C1QTNF5: variants seen among roughly 807,000 people sequenced by gnomAD.
C1QTNF5 encodes the protein C1q and TNF related 5, also known as complement C1q tumor necrosis factor-related protein 5.
Under a neutral mutation model 10.9 loss-of-function variants are expected in C1QTNF5, and 5 were observed. That is an observed-to-expected ratio of 0.46 (90% CI 0.24 to 0.97). C1QTNF5 has a LOEUF of 0.97. Among genes scored for constraint, C1QTNF5 ranks in the 50% least tolerant of loss-of-function variants. C1QTNF5 has a pLI of 0.19. For missense variants in C1QTNF5, 281 were observed against 339.4 expected, an observed-to-expected ratio of 0.83 and a Z score of 1.35; for synonymous variants, 161 against 156.5, an observed-to-expected ratio of 1.03 and a Z score of -0.22.
chr11:119,344,028 A>G (rs1422325722), upstream of C1QTNF5: 19 of 1,600,988 alleles, frequency 1.2e-5, no homozygotes, highest in East Asian at 4.0e-4. Flanking sequence ...GGGCACCCAG[A>G]AGGGTCTTCT....
At position 119,340,322 on chromosome 11, in the gene C1QTNF5, T is replaced by C. The variant is rs763994719; in HGVS notation, c.76A>G (p.Ser26Gly). ...SPPLDDNKIP[S>G]LCPGHPGLPG... ...AGGCCGGGGTGCCCCGGGCAGAGGC[T>C]GGGGATCTTGTTGTCGTCCAGTGGG... The change falls in exon 2 of 3, where the codon AGC (serine) becomes GGC (glycine). Residue 26 changes from serine (S) to glycine (G), a missense_variant. Physicochemically the swap from Ser to Gly is moderately conservative, Grantham distance 56 (BLOSUM62 0). Transcript: ENST00000528368. The C allele has an allele frequency of 1.2e-5, 18 of 1,542,546 alleles. No individual in the cohort carries two copies. The South Asian group carries it at 1.9e-4, about 16-fold the overall frequency.
At chr11:119,342,686 AC>A (rs1565293174), upstream of C1QTNF5, 3 of 1,613,020 alleles carry the variant, frequency 1.9e-6, no homozygotes, top group Non-Finnish European at 2.5e-6. Flanking sequence ...ACACCCTTAC[AC>A]CCTCCTGCCT....
At chr11:119,346,166 G>T in the C1QTNF5 span, 1 of 1,582,890 alleles carries the variant, frequency 6.3e-7, no homozygotes, top group Non-Finnish European at 8.6e-7. Context: ...CGACCTGCGG[G>T]TTGGCAGGTG....
chr11:119,344,094 A>AG, upstream of C1QTNF5: 1 of 1,237,092 alleles, frequency 8.1e-7, no homozygotes, highest in Non-Finnish European at 1.2e-6. Flanking sequence ...GTGGTTCTTA[A>AG]GGACCTTTAA....
upstream of C1QTNF5, among the ~76,000 whole-genome samples, chr11:119,343,376 G>T (rs1950522894): frequency 6.6e-6 from 1 of 152,216 alleles, no homozygotes; most frequent in African/African-American, 2.4e-5. Context: ...AATTATCTGG[G>T]CGTGGTGGCA....
At chr11:119,343,986 G>C, upstream of C1QTNF5, 1 of 1,610,202 alleles carries the variant, frequency 6.2e-7, no homozygotes, top group East Asian at 2.2e-5. Flanking sequence ...CATAGGTGGA[G>C]CAATTCATGG....
upstream of C1QTNF5, chr11:119,345,701 TCCTCAC>T: frequency 1.2e-6 from 2 of 1,612,300 alleles, no homozygotes; most frequent in Non-Finnish European, 1.7e-6. Context: ...AGGTGCCTCT[TCCTCAC>T]CCTCCCCTCA....
chr11:119,343,127 G>A, upstream of C1QTNF5: 1 of 1,236,388 alleles, frequency 8.1e-7, no homozygotes, highest in South Asian at 1.3e-5. Flanking sequence ...GGAAGACACA[G>A]GGTTAGGGTC....
chr11:119,342,476 T>C, upstream of C1QTNF5: 2 of 1,338,784 alleles, frequency 1.5e-6, no homozygotes, highest in Non-Finnish European at 2.0e-6. Context: ...GTCAGGATGG[T>C]GAGGCCAGCT....
chr11:119,340,053 C>A, intron 2 of C1QTNF5, 131 bp downstream of exon 2: 2 of 1,290,294 alleles, frequency 1.6e-6, no homozygotes, highest in Non-Finnish European at 2.0e-6. Context: ...GGCCCCTCCC[C>A]CGCTCAGGGC....
upstream of C1QTNF5, chr11:119,342,864 G>A: frequency 6.2e-7 from 1 of 1,613,118 alleles, no homozygotes; most frequent in Non-Finnish European, 8.5e-7. Flanking sequence ...CTTGCCCAGG[G>A]GCACCTACTC....
Position 119,339,510 on chromosome 11 carries a change from AC to A in C1QTNF5, c.552del (p.Trp185GlyfsTer13), listed in dbSNP as rs776247392. ...SIASFFQFFG[G>X]WPKPASLSGG... is the part of the protein sequence containing the mutation. ...CCCGAGAGCGAGGCTGGCTTGGGCC[AC>A]CCCCCGAAAAACTGGAAGAAAGAGG... On this transcript the variant is annotated frameshift_variant, in exon 3 of 3. Transcript: ENST00000528368. LOFTEE classifies it high-confidence loss of function. This position sits in a 1 kb window ranked among gnomAD's most constrained non-coding sequence, Gnocchi z 5.4. 1 of 1,612,834 alleles carries A rather than the reference AC, an allele frequency of 6.2e-7. No individual in the cohort carries two copies.
At chr11:119,346,367 A>G in the C1QTNF5 span, 1 of 1,614,014 alleles carries the variant, frequency 6.2e-7, no homozygotes, top group Non-Finnish European at 8.5e-7. Context: ...AGGATTGCAG[A>G]ACTCGGTCTG....
At chr11:119,344,741 A>T (rs1470650785), upstream of C1QTNF5, 1 of 1,614,052 alleles carries the variant, frequency 6.2e-7, no homozygotes, top group Non-Finnish European at 8.5e-7. Flanking sequence ...AGCGGAACTC[A>T]TCATGGGCAC....
upstream of C1QTNF5, chr11:119,345,352 T>C (rs1950551254): frequency 6.6e-7 from 1 of 1,512,784 alleles, no homozygotes; most frequent in Non-Finnish European, 9.2e-7. Flanking sequence ...TCCCTGCCAC[T>C]CCCTGATTCT....
At chr11:119,343,791 C>T (rs1342848384), upstream of C1QTNF5, 1 of 1,613,658 alleles carries the variant, frequency 6.2e-7, no homozygotes, top group Non-Finnish European at 8.5e-7. Flanking sequence ...TGGAGTTATC[C>T]ATGGCTCTTC....
In C1QTNF5 at chr11:119,339,206, T is replaced by A. The variant is rs11217240; in HGVS notation, c.*125A>T. The A allele has an allele frequency of 9.3e-7, 1 of 1,072,852 alleles. No homozygotes were observed. The highest frequency in any genetic ancestry group is 2.6e-5 in the East Asian group (1 of 38,852). 66.5% of individuals were successfully genotyped at this position (1,072,852 alleles called of 1,614,324 possible). A position where few individuals can be genotyped will look rare whatever the true frequency, so the allele number is the denominator to read the frequency against. ...TCCTTGCCAGCAGCAGGACGGAGAGTGCTCTACCCCACCTCCCTAGTCATT... is the reference window on the plus strand; with the variant it reads ...TCCTTGCCAGCAGCAGGACGGAGAGAGCTCTACCCCACCTCCCTAGTCATT... On this transcript the variant is annotated 3_prime_UTR_variant, in exon 3 of 3. Transcript: ENST00000528368. The surrounding 1 kb of genome is among the most constrained non-coding windows in gnomAD (Gnocchi z 5.4).
Position 119,340,451 on chromosome 11 carries a change from G to C in C1QTNF5, c.-43-11C>G, listed in dbSNP as rs1035186488. The C allele has an allele frequency of 2.6e-6, 4 of 1,512,734 alleles. No homozygotes were observed. Among genetic ancestry groups the C allele is most frequent in the African/African-American group, 1.4e-5 (1 of 71,876 alleles). The allele number at this position is 1,512,734 out of a possible 1,614,324, so 93.7% of individuals were successfully genotyped here. ...GGGTCCTCTCGCAGTCTGTGGACCA[G>C]GCAGGACTGGAGTCGGGACCCAGAA... On this transcript the variant is annotated splice_polypyrimidine_tract_variant and intron_variant, in intron 1 of 2. Coordinates refer to ENST00000528368, the MANE Select transcript of C1QTNF5 (RefSeq NM_001278431.2).
chr11:119,343,904 A>G, upstream of C1QTNF5: 3 of 1,613,450 alleles, frequency 1.9e-6, no homozygotes, highest in Non-Finnish European at 2.5e-6. Flanking sequence ...TCCAGGCTGA[A>G]GTTGTGGAAC....
Sources: gnomAD v4.1 joint callset for allele counts (sites outside exome capture counted in the v4.1 genomes callset) on GRCh38, gnomAD v4.1.1 for gene constraint, Gnocchi (gnomAD v3.1) non-coding constraint, MANE v1.5 for transcripts, NCBI Gene and HGNC (gene_info 2026-07-23, HGNC 2026-07-21) for gene names.